Variants in CCDC93 observed in about 807,000 individuals in gnomAD.
CCDC93 encodes the protein coiled-coil domain-containing protein 93.
Under a neutral mutation model 108.2 loss-of-function variants are expected in CCDC93, and 61 were observed. That is an observed-to-expected ratio of 0.56 (90% CI 0.46 to 0.70). The LOEUF is 0.70. Ranked by LOEUF, CCDC93 falls within the 30% of genes least tolerant of loss-of-function variation. The pLI, the probability that CCDC93 is intolerant of heterozygous loss-of-function variation, is 0.00. For synonymous variants in CCDC93, 276 were observed against 260.4 expected, an observed-to-expected ratio of 1.06 and a Z score of -0.58; for missense variants, 685 against 764.2, an observed-to-expected ratio of 0.90 and a Z score of 1.22.
intron 11 of CCDC93, among the ~76,000 whole-genome samples, chr2:117,958,847 A>G (rs1679301371): frequency 6.6e-6 from 1 of 152,242 alleles, no homozygotes; most frequent in African/African-American, 2.4e-5. Context: ...AGAATAATGA[A>G]TTGATTCACT....
chr2:117,963,459 G>A (rs989976273), intron 11 of CCDC93, among the ~76,000 whole-genome samples: 1 of 152,154 alleles, frequency 6.6e-6, no homozygotes, highest in African/African-American at 2.4e-5. Flanking sequence ...GATGATGTGT[G>A]ACCACTGCAG....
chr2:117,935,476 A>T lies in CCDC93; in HGVS notation c.1728+19T>A. On this transcript the variant is annotated intron_variant, in intron 22 of 23. Coordinates refer to ENST00000376300, the MANE Select transcript of CCDC93 (RefSeq NM_019044.5). ...CACTATAAAACCTGGGCTGCATTACAGAAAAGAAGCCATCTGACCTTCATT... is the reference window on the plus strand; with the variant it reads ...CACTATAAAACCTGGGCTGCATTACTGAAAAGAAGCCATCTGACCTTCATT... 6.3e-7 allele frequency: 1 copy of T among 1,591,364 alleles called. No individual in the cohort carries two copies. Among genetic ancestry groups the T allele is most frequent in the Non-Finnish European group, 8.6e-7 (1 of 1,159,366 alleles).
intron 15 of CCDC93, among the ~76,000 whole-genome samples, chr2:117,947,361 T>C (rs574823057): frequency 2.6e-5 from 4 of 152,250 alleles, no homozygotes; most frequent in African/African-American, 7.2e-5. Context: ...CACACAGAAC[T>C]TGCCAGGCCT....
intron 22 of CCDC93, chr2:117,934,934 CCTGA>C (rs935369156): frequency 9.9e-4 from 151 of 152,308 alleles, no homozygotes; most frequent in African/African-American, 3.4e-3. Context: ...CATGCTGCAC[CCTGA>C]CTGAGTGGGG....
At chr2:117,972,455 T>C (rs1232516876) in intron 11 of CCDC93, among the ~76,000 whole-genome samples, 4 of 152,064 alleles carry the variant, frequency 2.6e-5, no homozygotes, top group African/African-American at 9.7e-5. Context: ...GGAAGTCAGG[T>C]GAGCTTTAGG....
chr2:117,952,308 A>T, intron 13 of CCDC93, 65 bp downstream of exon 13: 2 of 999,762 alleles, frequency 2.0e-6, no homozygotes, highest in Non-Finnish European at 1.6e-6. Context: ...TCATTCCATT[A>T]GTGGTTCAGG....
intron 19 of CCDC93, 70 bp from the exon 20 acceptor site, chr2:117,939,181 C>T (rs901237529): frequency 2.2e-6 from 2 of 897,098 alleles, no homozygotes; most frequent in African/African-American, 3.3e-5. Flanking sequence ...CCCTCTCCTC[C>T]ATGAATGCAC....
At chr2:118,006,888 G>A in intron 2 of CCDC93, 72 bp from the exon 3 acceptor site, 1 of 900,986 alleles carries the variant, frequency 1.1e-6, no homozygotes, top group Middle Eastern at 2.7e-4. Flanking sequence ...GAAGGTAGAT[G>A]GATTATAAAT....
chr2:117,978,878 C>G (rs1479144532), intron 7 of CCDC93, among the ~76,000 whole-genome samples: 1 of 152,120 alleles, frequency 6.6e-6, no homozygotes, highest in African/African-American at 2.4e-5. Context: ...CATAGTGGCA[C>G]ACGCCTGTAG....
intron 23 of CCDC93, among the ~76,000 whole-genome samples, chr2:117,923,232 C>T (rs775360678): frequency 2.0e-5 from 3 of 152,180 alleles, no homozygotes; most frequent in South Asian, 2.1e-4. Context: ...ACTGAGGTAC[C>T]GGGTTCACCT....
intron 12 of CCDC93, among the ~76,000 whole-genome samples, chr2:117,957,815 C>T (rs1170406967): frequency 6.6e-6 from 1 of 152,166 alleles, no homozygotes. Flanking sequence ...TCTCAGAACT[C>T]TGTGACCTGA....
intron 3 of CCDC93, among the ~76,000 whole-genome samples, chr2:118,003,436 A>C (rs1188000069): frequency 1.3e-5 from 2 of 152,202 alleles, no homozygotes; most frequent in Non-Finnish European, 2.9e-5. Flanking sequence ...GTTTTGCTCA[A>C]TGCAGGTCCC....
chr2:118,005,559 C>G (rs1676841629), intron 3 of CCDC93, among the ~76,000 whole-genome samples: 1 of 152,050 alleles, frequency 6.6e-6, no homozygotes, highest in South Asian at 2.1e-4. Flanking sequence ...AGTTTTAAGA[C>G]CAGCCTGGAC....
intron 10 of CCDC93, 113 bp downstream of exon 10, chr2:117,974,737 A>C: frequency 1.4e-6 from 1 of 725,080 alleles, no homozygotes; most frequent in Non-Finnish European, 2.4e-6. Context: ...AAGAGGAGGT[A>C]CTGTGTGCTG....
rs543676983 is a variant in CCDC93, at chr2:117,955,851, G to A, written c.1005+2514C>T. ...ACCATACAAGTCACTCTCCCCAGGT[G>A]AAGGGGCATACATTTTTGCAAAGGC... On this transcript the variant is annotated intron_variant, in intron 12 of 23. Transcript: ENST00000376300. Among the ~76,000 whole-genome samples, 3 of 152,282 alleles carry A rather than the reference G, an allele frequency of 2.0e-5. No homozygotes were observed. The South Asian group carries it at 6.2e-4, about 32-fold the overall frequency.
rs373942022 is a variant in CCDC93, at chr2:117,971,430, C to T, written c.888+2478G>A. Among the ~76,000 whole-genome samples the T allele has an allele frequency of 2.7e-3, 398 of 145,588 alleles. 3 individuals are homozygous for T. Among genetic ancestry groups the T allele is most frequent in the African/African-American group, 9.7e-3 (374 of 38,718 alleles). ...AGAAAAATAAAAATAAATAAACAAA[C>T]GGGAAGGCTAGAAAATATTTAGGAT... On this transcript the variant is annotated intron_variant, in intron 11 of 23. Transcript: ENST00000376300.
chr2:118,010,007 C>T (rs916180203), intron 1 of CCDC93, among the ~76,000 whole-genome samples: 8 of 152,050 alleles, frequency 5.3e-5, no homozygotes, highest in Non-Finnish European at 1.2e-4. Flanking sequence ...TCACTGTACT[C>T]GGATCCCAGA....
chr2:117,973,968 G>T lies in CCDC93; in HGVS notation c.828C>A (p.Gly276=). The part of the protein sequence containing the change: ...EESRLTASSV[G]QIVGLCSAEI... ...CAGCAGAGCAGAGTCCCACAATCTG[G>T]CCCACGGAGCTTGCGGTGAGACGGC... The change falls in exon 11 of 24, where the codon GGC becomes GGA. Residue 276 remains glycine, a synonymous_variant. Transcript: ENST00000376300. 6.2e-7 allele frequency: 1 copy of T among 1,611,760 alleles called. No individual in the cohort carries two copies. The highest frequency in any genetic ancestry group is 8.5e-7 in the Non-Finnish European group (1 of 1,178,864).
intron 6 of CCDC93, among the ~76,000 whole-genome samples, chr2:117,993,968 G>A (rs1316755480): frequency 1.3e-5 from 2 of 152,124 alleles, no homozygotes; most frequent in African/African-American, 2.4e-5. Context: ...TCCTGACCTC[G>A]TGATCCACCC....
Sources: allele counts gnomAD v4.1 joint callset (sites outside exome capture counted in the v4.1 genomes callset), GRCh38; gene constraint gnomAD v4.1.1; transcripts MANE v1.5; gene names NCBI Gene and HGNC (gene_info 2026-07-23, HGNC 2026-07-21).